DLC1: variants seen among roughly 807,000 people sequenced by gnomAD.
The protein encoded by DLC1 is DLC1 Rho GTPase activating protein.
A neutral mutation model predicts 140.3 loss-of-function variants in DLC1; 54 were observed. The ratio of observed to expected loss-of-function variants is 0.38; its 90% CI spans 0.31 to 0.48. The LOEUF (loss-of-function observed/expected upper bound fraction) is 0.48, where lower values mean the gene tolerates loss of function less well. DLC1 is among the 20% of genes least tolerant of loss of function. DLC1 has a pLI of 0.96. For missense variants in DLC1, 2,536 were observed against 1,907.0 expected (o/e 1.33, Z -6.14); for synonymous variants, 986 against 728.1 (o/e 1.35, Z -5.70).
In DLC1 at chr8:13,500,027, G is replaced by A. The variant is rs767966021; in HGVS notation, c.45C>T (p.Thr15=). The stretch of plus-strand genomic sequence containing the variant: ...AATTAAAAGGCTGTCCCATCCAGTG[G>A]GTCACATGTTCTTCCCAGCTTCTCT... ...IRKRSWEEHV[T]HWMGQPFNSD... The change falls in exon 2 of 18, where the codon ACC becomes ACT. Residue 15 remains threonine, a synonymous_variant. Transcript: ENST00000276297. The A allele has an allele frequency of 4.3e-6, 7 of 1,614,020 alleles. No individual in the cohort carries two copies. Among genetic ancestry groups the A allele is most frequent in the Non-Finnish European group, 5.9e-6 (7 of 1,179,956 alleles).
intron 2 of DLC1, among the ~76,000 whole-genome samples, chr8:13,460,329 T>G (rs1342887892): frequency 6.6e-6 from 1 of 152,252 alleles, no homozygotes; most frequent in Non-Finnish European, 1.5e-5. Flanking sequence ...TCTTCCTTTT[T>G]TATAACAGCT....
chr8:13,187,508 CTG>C (rs1430851702), intron 5 of DLC1, among the ~76,000 whole-genome samples: 1 of 152,106 alleles, frequency 6.6e-6, no homozygotes, highest in African/African-American at 2.4e-5. Flanking sequence ...AAAACATACT[CTG>C]TGATTCTTTG....
intron 4 of DLC1, among the ~76,000 whole-genome samples, chr8:13,321,538 AAAAAG>A (rs761289075): frequency 8.8e-5 from 1 of 11,402 alleles, no homozygotes; most frequent in African/African-American, 1.6e-4. Flanking sequence ...CTCAGTCTCA[AAAAAG>A]AAAAAAAAAA....
intron 5 of DLC1, among the ~76,000 whole-genome samples, chr8:13,123,292 C>G (rs1012526830): frequency 2.6e-5 from 4 of 152,044 alleles, no homozygotes; most frequent in African/African-American, 9.7e-5. Context: ...CCAGCCACAC[C>G]GGCCTCCTCT....
chr8:13,543,004 A>G (rs1803538552), intron 1 of DLC1, among the ~76,000 whole-genome samples: 1 of 152,096 alleles, frequency 6.6e-6, no homozygotes, highest in African/African-American at 2.4e-5. Flanking sequence ...ACTATTATAA[A>G]TCACATTGAT....
chr8:13,195,818 C>G (rs1827013621), intron 5 of DLC1, among the ~76,000 whole-genome samples: 1 of 152,118 alleles, frequency 6.6e-6, no homozygotes, highest in African/African-American at 2.4e-5. Context: ...CCTATAGCAG[C>G]ACTATCCTTC....
chr8:13,567,631 T>G (rs1804496873), intron 1 of DLC1: 1 of 1,551,564 alleles, frequency 6.4e-7, no homozygotes, highest in African/African-American at 1.4e-5. Context: ...CCTGTCTGCC[T>G]TTCTGAAACA....
intron 1 of DLC1, among the ~76,000 whole-genome samples, chr8:13,604,076 T>A (rs1237104075): frequency 6.6e-6 from 1 of 152,120 alleles, no homozygotes; most frequent in Non-Finnish European, 1.5e-5. Context: ...TATTCCAAAG[T>A]GCAATGATAA....
chr8:13,478,446 A>T lies in DLC1; in HGVS notation c.1023+20603T>A, dbSNP rs143687936. Among the ~76,000 whole-genome samples the T allele has an allele frequency of 6.5e-3, 988 of 152,274 alleles. 16 individuals are homozygous for T. Among genetic ancestry groups the T allele is most frequent in the African/African-American group, 0.021 (867 of 41,546 alleles). On this transcript the variant is annotated intron_variant, in intron 2 of 17. Coordinates refer to ENST00000276297, the MANE Select transcript of DLC1 (RefSeq NM_182643.3). ...AGATTTGGACAGGGACACATATTCA[A>T]TCTATGTCAGTGCATATTCTTCACC... is the stretch of plus-strand genomic sequence containing the variant.
At chr8:13,540,777 G>A (rs1405516319) in intron 1 of DLC1, among the ~76,000 whole-genome samples, 4 of 152,158 alleles carry the variant, frequency 2.6e-5, no homozygotes, top group Admixed American at 6.5e-5. Flanking sequence ...CACTCATCTG[G>A]GGATTTGTTC....
intron 1 of DLC1, among the ~76,000 whole-genome samples, chr8:13,571,230 G>A (rs756747033): frequency 1.3e-5 from 2 of 151,926 alleles, no homozygotes; most frequent in African/African-American, 2.4e-5. Flanking sequence ...CTACATAACA[G>A]AAATTTGCCA....
chr8:13,537,565 T>G lies in DLC1; in HGVS notation c.-125-37369A>C, dbSNP rs1209689448. Among the ~76,000 whole-genome samples the G allele has an allele frequency of 3.3e-5, 5 of 151,744 alleles. No homozygotes were observed. The East Asian group carries it at 7.7e-4, about 23-fold the overall frequency. ...CAGACACAGTTAGGTAAAGGATCAG[T>G]GCAGAGTGACAGTAACTGTTGATGA... On this transcript the variant is annotated intron_variant, in intron 1 of 1. Transcript: ENST00000631382.
intron 4 of DLC1, among the ~76,000 whole-genome samples, chr8:13,367,803 G>A (rs1835556944): frequency 6.6e-6 from 1 of 152,158 alleles, no homozygotes; most frequent in African/African-American, 2.4e-5. Context: ...ACCAGGGCAA[G>A]GAAGTGAGAC....
intron 1 of DLC1, among the ~76,000 whole-genome samples, chr8:13,602,375 C>T (rs936474309): frequency 1.3e-5 from 2 of 151,674 alleles, no homozygotes; most frequent in Non-Finnish European, 3.0e-5. Flanking sequence ...TGGTTATCCA[C>T]TTACTATTTT....
At chr8:13,092,447 C>A (rs181079453) in intron 13 of DLC1, among the ~76,000 whole-genome samples, 165 bp downstream of exon 13, 1 of 152,276 alleles carries the variant, frequency 6.6e-6, no homozygotes, top group East Asian at 1.9e-4. Flanking sequence ...CGCCAACAGA[C>A]CAGTCTCAGG....
At chr8:13,136,089 C>T (rs1366307335) in intron 5 of DLC1, among the ~76,000 whole-genome samples, 2 of 152,220 alleles carry the variant, frequency 1.3e-5, no homozygotes, top group Non-Finnish European at 2.9e-5. Context: ...GGACATGCTA[C>T]ATTTTGAAAG....
intron 2 of DLC1, among the ~76,000 whole-genome samples, chr8:13,455,303 G>A (rs1252511627): frequency 6.6e-6 from 1 of 152,122 alleles, no homozygotes; most frequent in East Asian, 1.9e-4. Flanking sequence ...AACATCCTTG[G>A]CCGGTCTGTT....
At chr8:13,128,737 G>A (rs575787875) in intron 5 of DLC1, among the ~76,000 whole-genome samples, 105 of 152,036 alleles carry the variant, frequency 6.9e-4, no homozygotes, top group Middle Eastern at 3.4e-3. Context: ...CGGGAGGCTG[G>A]GGCAGGAGAA....
intron 5 of DLC1, chr8:13,214,827 T>C (rs558134153): frequency 1.3e-6 from 1 of 768,614 alleles, no homozygotes; most frequent in Admixed American, 1.7e-5. Flanking sequence ...TTGATTTGAG[T>C]GCTGGTGGCA....
Sources: gnomAD v4.1 joint callset for allele counts (sites outside exome capture counted in the v4.1 genomes callset) on GRCh38, gnomAD v4.1.1 for gene constraint, MANE v1.5 for transcripts, NCBI Gene and HGNC (gene_info 2026-07-23, HGNC 2026-07-21) for gene names.